The following NOL3 variants were observed in gnomAD, a reference collection of about 807,000 sequenced individuals.
NOL3 encodes muscle-enriched cytoplasmic protein.
In NOL3, 18 loss-of-function variants were observed where a neutral mutation model predicts 19.2. The observed-to-expected ratio is 0.94, with a 90% confidence interval of 0.65 to 1.39. NOL3 has a LOEUF of 1.39. NOL3 is among the 40% of genes most tolerant of loss of function. The pLI is 0.00. For synonymous variants in NOL3, 127 were observed against 137.3 expected, an observed-to-expected ratio of 0.93 and a Z score of 0.52; for missense variants, 290 against 289.5, an observed-to-expected ratio of 1.00 and a Z score of -0.01.
exon 2 of NOL3, chr16:67,174,375 G>A (rs756891813): frequency 1.9e-6 from 3 of 1,568,016 alleles, no homozygotes; most frequent in Non-Finnish European, 2.6e-6. Flanking sequence ...CAGGGCAAGG[G>A]CGAGGCCGCC....
chr16:67,174,536 AG>A, intron 2 of NOL3, 72 bp downstream of exon 2: 1 of 1,478,500 alleles, frequency 6.8e-7, no homozygotes, highest in Non-Finnish European at 8.9e-7. Flanking sequence ...CGGGGAGGGC[AG>A]GGTTGTCGTC....
chr16:67,173,436 G>A (rs1468309237), intron 1 of NOL3, among the ~76,000 whole-genome samples: 1 of 152,178 alleles, frequency 6.6e-6, no homozygotes, highest in Non-Finnish European at 1.5e-5. Context: ...TTGCACTATG[G>A]TGGTGGTGTT....
chr16:67,172,821 C>CGGT (rs1469066887), intron 1 of NOL3: 3 of 150,958 alleles, frequency 2.0e-5, no homozygotes, highest in Non-Finnish European at 2.9e-5. Flanking sequence ...AGGACAGGCG[C>CGGT]GGTGGCTCAC....
chr16:67,171,580 TG>T (rs1437397816), intron 1 of NOL3: 1 of 151,168 alleles, frequency 6.6e-6, no homozygotes, highest in Non-Finnish European at 1.5e-5. Context: ...GGCAGTGGGG[TG>T]TGGGGGGGAG....
exon 3 of NOL3, chr16:67,174,881 G>C (rs1461659866): frequency 1.2e-5 from 19 of 1,613,052 alleles, no homozygotes; most frequent in Non-Finnish European, 1.6e-5. Flanking sequence ...ACCAGAGCCG[G>C]AACTGGAGCC....
At chr16:67,174,803 G>A in exon 3 of NOL3, 1 of 1,605,572 alleles carries the variant, frequency 6.2e-7, no homozygotes, top group South Asian at 1.1e-5. Context: ...GCTGGAAGCT[G>A]AGGCCTCTAA....
At chr16:67,172,473 G>A (rs755052543) in intron 1 of NOL3, among the ~76,000 whole-genome samples, 21 of 151,454 alleles carry the variant, frequency 1.4e-4, no homozygotes, top group South Asian at 4.2e-4. Flanking sequence ...TTAGCTGAGC[G>A]TGGTGCGGGC....
In NOL3 at chr16:67,170,781, G is replaced by C. The variant is rs547411150; in HGVS notation, c.-9+207G>C. Among the ~76,000 whole-genome samples the C allele has an allele frequency of 8.6e-5, 13 of 150,372 alleles. No homozygotes were observed. The highest frequency in any genetic ancestry group is 1.8e-4 in the Non-Finnish European group (12 of 68,006). ...CTGGGTGGAGGGAGGTAAGGGGCGG[G>C]GGGGGAAAATCCGTGCAGTCGCACA... On this transcript the variant is annotated intron_variant, in intron 1 of 3. Coordinates refer to ENST00000268605, the Ensembl canonical transcript of NOL3. The surrounding 1 kb of genome is among the most constrained non-coding windows in gnomAD (Gnocchi z 5.7).
At chr16:67,173,873 C>T (rs1179517433) in intron 1 of NOL3, 3 of 1,535,000 alleles carry the variant, frequency 2.0e-6, no homozygotes, top group Non-Finnish European at 1.7e-6. Context: ...GAGTAGATGC[C>T]AGTCCTGGGA....
exon 2 of NOL3, chr16:67,174,387 G>A (rs1329083641): frequency 3.2e-6 from 5 of 1,558,434 alleles, no homozygotes; most frequent in Non-Finnish European, 1.7e-6. Flanking sequence ...GAGGCCGCCT[G>A]CCAGGAGCTG....
At chr16:67,174,855 C>T in exon 3 of NOL3, 1 of 1,608,636 alleles carries the variant, frequency 6.2e-7, no homozygotes, top group Non-Finnish European at 8.5e-7. Flanking sequence ...GAGCTGGAAC[C>T]CGAGGCTGAA....
At chr16:67,173,890 G>A in intron 1 of NOL3, 2 of 1,535,858 alleles carry the variant, frequency 1.3e-6, no homozygotes, top group Non-Finnish European at 1.7e-6. Flanking sequence ...GGGAAAGGCA[G>A]GGGAGGAGAG....
In NOL3 at chr16:67,170,552, C is replaced by G. The variant is rs1410498623; in HGVS notation, c.-31C>G. On this transcript the variant is annotated 5_prime_UTR_variant, in exon 1 of 4. Transcript: ENST00000268605. This position sits in a 1 kb window ranked among gnomAD's most constrained non-coding sequence, Gnocchi z 5.7. ...CCCGGCCCTTTCTGCACCGTCATCTCCTGCCCCGCCGAGGCTTGACCCGTG... is the reference window on the plus strand; with the variant it reads ...CCCGGCCCTTTCTGCACCGTCATCTGCTGCCCCGCCGAGGCTTGACCCGTG... The G allele has an allele frequency of 2.1e-5, 3 of 144,808 alleles. No individual in the cohort carries two copies. Among genetic ancestry groups the G allele is most frequent in the African/African-American group, 7.5e-5 (3 of 40,134 alleles). The allele number at this position is 144,808 out of a possible 1,614,324, so 9.0% of individuals were successfully genotyped here. A position where few individuals can be genotyped will look rare whatever the true frequency, so the allele number is the denominator to read the frequency against.
exon 4 of NOL3, chr16:67,175,342 G>A (rs1402442606): frequency 3.0e-6 from 4 of 1,317,680 alleles, no homozygotes; most frequent in Non-Finnish European, 3.9e-6. Context: ...GCTGCACCCT[G>A]GAGATCCCAA....
intron 1 of NOL3, chr16:67,173,752 G>C (rs920947053): frequency 2.1e-6 from 2 of 940,562 alleles, no homozygotes; most frequent in African/African-American, 3.3e-5. Context: ...CTGGTTAGGT[G>C]GGGAAGCAGA....
rs571189142 is a variant in NOL3, at chr16:67,170,704, G to C, written c.-9+130G>C. On this transcript the variant is annotated intron_variant, in intron 1 of 3. Transcript: ENST00000268605. The surrounding 1 kb of genome is among the most constrained non-coding windows in gnomAD (Gnocchi z 5.7). The stretch of plus-strand genomic sequence containing the variant: ...CGGCGCTCGGGGGTCGGGGGGGCGG[G>C]GTGGGTAGGACTGTGGGCCCCGCCC... 6.6e-6 allele frequency: 1 copy of C among 151,956 alleles called. No homozygotes were observed. Among genetic ancestry groups the C allele is most frequent in the African/African-American group, 2.4e-5 (1 of 41,332 alleles). 9.4% of individuals were successfully genotyped at this position (151,956 alleles called of 1,614,324 possible). A position where few individuals can be genotyped will look rare whatever the true frequency, so the allele number is the denominator to read the frequency against.
At chr16:67,175,065 T>C (rs377629448) in exon 4 of NOL3, 21 of 1,614,212 alleles carry the variant, frequency 1.3e-5, no homozygotes, top group African/African-American at 2.7e-5. Flanking sequence ...AGGCCAGAGC[T>C]CTGACAGGCG....
At chr16:67,174,336 G>A (rs1302642755) in exon 2 of NOL3, 1 of 1,596,970 alleles carries the variant, frequency 6.3e-7, no homozygotes, top group Non-Finnish European at 8.5e-7. Context: ...GATGCCGAGC[G>A]CAGGGTGCGC....
Position 67,175,046 on chromosome 16 carries a change from G to C in NOL3, c.620-1G>C. 2 of 1,614,240 alleles carry C rather than the reference G, an allele frequency of 1.2e-6. No individual in the cohort carries two copies. Among genetic ancestry groups the C allele is most frequent in the Non-Finnish European group, 1.7e-6 (2 of 1,180,016 alleles). ...TTGACCACTGTTCCCGTCATCTCTAGATTCCTGAAGGCCAGAGCTCTGACA... is the reference window on the plus strand; with the variant it reads ...TTGACCACTGTTCCCGTCATCTCTACATTCCTGAAGGCCAGAGCTCTGACA... On this transcript the variant is annotated splice_acceptor_variant, in intron 3 of 3. Coordinates refer to ENST00000268605, the Ensembl canonical transcript of NOL3. LOFTEE classifies it high-confidence loss of function.
Sources: allele counts gnomAD v4.1 joint callset (sites outside exome capture counted in the v4.1 genomes callset), GRCh38; gene constraint gnomAD v4.1.1; non-coding constraint Gnocchi (gnomAD v3.1); transcripts MANE v1.5; gene names NCBI Gene and HGNC (gene_info 2026-07-23, HGNC 2026-07-21).